Variants in CDH20 observed in about 807,000 individuals in gnomAD.
The protein encoded by CDH20 is cadherin-20.
Under a neutral mutation model 74.2 loss-of-function variants are expected in CDH20, and 29 were observed. The observed-to-expected ratio is 0.39, with a 90% CI of 0.29 to 0.53. CDH20 has a LOEUF of 0.53. CDH20 is among the 20% of genes least tolerant of loss of function. The probability of loss-of-function intolerance (pLI) is 0.69; values close to 1 mark genes in which losing one functional copy is unlikely to be tolerated. For missense variants in CDH20, 988 were observed against 1,048.3 expected (o/e 0.94, Z 0.79); for synonymous variants, 469 against 405.4 (o/e 1.16, Z -1.88).
intron 7 of CDH20, among the ~76,000 whole-genome samples, chr18:61,532,802 A>T (rs933544033): frequency 6.6e-6 from 1 of 152,236 alleles, no homozygotes; most frequent in Admixed American, 6.5e-5. Flanking sequence ...GATATGGATT[A>T]CAGTTGCTGG....
At chr18:61,434,114 T>C (rs1157635544) in intron 1 of CDH20, among the ~76,000 whole-genome samples, 1 of 152,158 alleles carries the variant, frequency 6.6e-6, no homozygotes, top group African/African-American at 2.4e-5. Flanking sequence ...GCAGCCTGTG[T>C]GTTTCTAGAT....
chr18:61,535,958 C>A (rs1166403001), intron 7 of CDH20, among the ~76,000 whole-genome samples: 1 of 152,140 alleles, frequency 6.6e-6, no homozygotes, highest in Non-Finnish European at 1.5e-5. Context: ...CTAGCAAATA[C>A]ATTACCATTA....
intron 1 of CDH20, among the ~76,000 whole-genome samples, chr18:61,487,933 C>G (rs953816064): frequency 1.3e-5 from 2 of 152,098 alleles, no homozygotes; most frequent in African/African-American, 2.4e-5. Context: ...GACATCTGCA[C>G]ATAGCACACA....
chr18:61,353,710 T>G lies in CDH20; in HGVS notation c.-153+19883T>G, dbSNP rs1366052644. On this transcript the variant is annotated intron_variant, in intron 1 of 11. Coordinates refer to ENST00000262717, the MANE Select transcript of CDH20 (RefSeq NM_031891.4). This position sits in a 1 kb window ranked among gnomAD's most constrained non-coding sequence, Gnocchi z 4.6. ...ACTGAGATCACTCTTGATCTTGGCC[T>G]GCACTAGCCAATACAGCAGCTACTA... is the stretch of plus-strand genomic sequence containing the variant. Among the ~76,000 whole-genome samples, 1 of 152,202 alleles carries G rather than the reference T, an allele frequency of 6.6e-6. No homozygotes were observed. The highest frequency in any genetic ancestry group is 1.9e-4 in the East Asian group (1 of 5,198).
intron 1 of CDH20, among the ~76,000 whole-genome samples, chr18:61,348,278 C>T (rs1910197594): frequency 6.6e-6 from 1 of 152,168 alleles, no homozygotes; most frequent in Non-Finnish European, 1.5e-5. Flanking sequence ...TATCTCTGAT[C>T]CTTTTCCCAA....
At chr18:61,498,387 G>T (rs1162317068) in intron 2 of CDH20, among the ~76,000 whole-genome samples, 1 of 150,614 alleles carries the variant, frequency 6.6e-6, no homozygotes, top group South Asian at 2.1e-4. Context: ...GTGACAGGGC[G>T]AAACTCTGTC....
intron 7 of CDH20, among the ~76,000 whole-genome samples, chr18:61,529,038 A>G (rs1912550526): frequency 1.3e-5 from 2 of 152,226 alleles, no homozygotes; most frequent in Non-Finnish European, 2.9e-5. Flanking sequence ...GCTCAAGAAG[A>G]TGAGAACTGC....
chr18:61,421,923 A>G (rs1912894938), intron 1 of CDH20, among the ~76,000 whole-genome samples: 1 of 152,150 alleles, frequency 6.6e-6, no homozygotes, highest in Non-Finnish European at 1.5e-5. Context: ...GTTTTCATCT[A>G]AATAGTCACA....
At chr18:61,438,980 T>C (rs1319639326) in intron 1 of CDH20, among the ~76,000 whole-genome samples, 1 of 152,156 alleles carries the variant, frequency 6.6e-6, no homozygotes, top group Non-Finnish European at 1.5e-5. Flanking sequence ...GAGGCCATTT[T>C]CCTAAGTGAA....
intron 1 of CDH20, among the ~76,000 whole-genome samples, chr18:61,431,534 A>T (rs891727519): frequency 6.6e-6 from 1 of 152,192 alleles, no homozygotes; most frequent in East Asian, 1.9e-4. Context: ...GTAAGAGGAA[A>T]CTAATAGGGT....
intron 2 of CDH20, among the ~76,000 whole-genome samples, chr18:61,491,155 T>A (rs1044475309): frequency 3.3e-5 from 5 of 151,906 alleles, no homozygotes; most frequent in Non-Finnish European, 7.4e-5. Flanking sequence ...GAGTACAGAG[T>A]TTTTTGCTTT....
chr18:61,413,445 A>T (rs2144254681), intron 1 of CDH20, among the ~76,000 whole-genome samples: 1 of 152,316 alleles, frequency 6.6e-6, no homozygotes, highest in East Asian at 1.9e-4. Flanking sequence ...CAGCAATGGG[A>T]AGAAAATATA....
At chr18:61,551,586 ATAAG>A (rs1913434491) in intron 11 of CDH20, among the ~76,000 whole-genome samples, 1 of 152,244 alleles carries the variant, frequency 6.6e-6, no homozygotes, top group Non-Finnish European at 1.5e-5. Context: ...AAGAGTATAA[ATAAG>A]TAACCTTTCT....
intron 1 of CDH20, among the ~76,000 whole-genome samples, chr18:61,474,879 ATC>A (rs1380439892): frequency 3.3e-5 from 5 of 152,138 alleles, no homozygotes; most frequent in Non-Finnish European, 1.5e-5. Flanking sequence ...GGGGAAAGGC[ATC>A]TGTCTTCGAG....
chr18:61,448,555 T>G (rs908311332), intron 1 of CDH20, among the ~76,000 whole-genome samples: 82 of 152,338 alleles, frequency 5.4e-4, no homozygotes, highest in African/African-American at 1.9e-3. Flanking sequence ...TAGTTGTTAT[T>G]TATTTAATAA....
chr18:61,352,351 A>C (rs1910332625), intron 1 of CDH20, among the ~76,000 whole-genome samples: 1 of 152,228 alleles, frequency 6.6e-6, no homozygotes, highest in African/African-American at 2.4e-5. Flanking sequence ...GGATGCACTC[A>C]GAACTTCAGA....
In CDH20 at chr18:61,546,140, A is replaced by G. The variant is rs370709418; in HGVS notation, c.1648+996A>G. On this transcript the variant is annotated intron_variant, in intron 10 of 11. Coordinates refer to ENST00000262717, the MANE Select transcript of CDH20 (RefSeq NM_031891.4). Reference sequence around the variant, plus strand: ...CCTGGGAAGGTCATCACTTCTTGAGACTGCAGTAGCGTCATTTTCATTCCG... The same window carrying G: ...CCTGGGAAGGTCATCACTTCTTGAGGCTGCAGTAGCGTCATTTTCATTCCG... 3.3e-5 allele frequency among the ~76,000 whole-genome samples: 5 copies of G among 152,340 alleles called. 1 individual carries two copies. The highest frequency in any genetic ancestry group is 9.6e-5 in the African/African-American group (4 of 41,572).
At chr18:61,523,369 C>A (rs936382505) in intron 6 of CDH20, among the ~76,000 whole-genome samples, 7 of 152,250 alleles carry the variant, frequency 4.6e-5, no homozygotes, top group Admixed American at 4.6e-4. Context: ...TATTGAGATA[C>A]CATCTTATGC....
At chr18:61,551,416 C>T (rs193069382) in intron 11 of CDH20, among the ~76,000 whole-genome samples, 23 of 152,300 alleles carry the variant, frequency 1.5e-4, no homozygotes, top group Non-Finnish European at 2.9e-4. Flanking sequence ...CCCAAGTTCA[C>T]CTCTATACCA....
Sources: allele counts gnomAD v4.1 joint callset (sites outside exome capture counted in the v4.1 genomes callset), GRCh38; gene constraint gnomAD v4.1.1; non-coding constraint Gnocchi (gnomAD v3.1); transcripts MANE v1.5; gene names NCBI Gene and HGNC (gene_info 2026-07-23, HGNC 2026-07-21).